NSD3: variants seen among roughly 807,000 people sequenced by gnomAD.
The protein encoded by NSD3 is nuclear receptor binding SET domain protein 3.
Under a neutral mutation model 160.8 loss-of-function variants are expected in NSD3, and 24 were observed. The ratio of observed to expected loss-of-function variants is 0.15; its 90% CI spans 0.11 to 0.21. The LOEUF (loss-of-function observed/expected upper bound fraction) is 0.21, where lower values mean the gene tolerates loss of function less well. Among genes scored for constraint, NSD3 ranks in the 10% least tolerant of loss-of-function variants. NSD3 has a pLI of 1.00. For missense variants in NSD3, 1,157 were observed against 1,735.9 expected, an observed-to-expected ratio of 0.67 and a Z score of 5.93; for synonymous variants, 520 against 600.0, an observed-to-expected ratio of 0.87 and a Z score of 1.95.
In NSD3 at chr8:38,275,845, G is replaced by A; in HGVS notation, c.4110C>T (p.Cys1370=). The part of the protein sequence containing the change: ...WECPWHQCDE[C]SSAAVSFCEF... ...CACAGAAGGAAACAGCTGCACTGCT[G>A]CACTCATCGCACTGATGCCACGGAC... is the stretch of plus-strand genomic sequence containing the variant. The change falls in exon 24 of 24, where the codon TGC becomes TGT. Residue 1370 remains cysteine, a synonymous_variant. Transcript: ENST00000317025. 6.2e-7 allele frequency: 1 copy of A among 1,614,142 alleles called. No individual in the cohort carries two copies. Among genetic ancestry groups the A allele is most frequent in the Non-Finnish European group, 8.5e-7 (1 of 1,180,012 alleles).
chr8:38,347,464 A>T lies in NSD3; in HGVS notation c.675+33T>A, dbSNP rs200246233. On this transcript the variant is annotated intron_variant, in intron 2 of 23. Transcript: ENST00000317025. ...TGAACTTCCAGTAAATGTGAAATAT[A>T]ACAAAATTTTTCAAAACGACTTTTC... 1.6e-3 allele frequency: 2,431 copies of T among 1,536,146 alleles called. 7 individuals are homozygous for T. The highest frequency in any genetic ancestry group is 2.0e-3 in the Non-Finnish European group (2,250 of 1,147,244).
intron 11 of NSD3, 112 bp from the exon 12 acceptor site, chr8:38,314,885 T>A (rs1302142414): frequency 1.5e-5 from 18 of 1,225,110 alleles, no homozygotes; most frequent in Non-Finnish European, 2.0e-5. Context: ...TGTGATTCAG[T>A]AGGTCTGGCG....
intron 5 of NSD3, 127 bp downstream of exon 5, chr8:38,331,304 A>T: frequency 1.8e-6 from 2 of 1,128,702 alleles, no homozygotes; most frequent in Non-Finnish European, 2.4e-6. Flanking sequence ...CATTACGATT[A>T]AAACAGCTGA....
Position 38,272,712 on chromosome 8 carries a change from T to C in NSD3, c.*2929A>G, listed in dbSNP as rs1439220039. The C allele has an allele frequency of 6.6e-6, 1 of 152,256 alleles. No homozygotes were observed. Among genetic ancestry groups the C allele is most frequent in the Non-Finnish European group, 1.5e-5 (1 of 68,048 alleles). The allele number at this position is 152,256 out of a possible 1,614,324, so 9.4% of individuals were successfully genotyped here. A position where few individuals can be genotyped will look rare whatever the true frequency, so the allele number is the denominator to read the frequency against. ...CATGCTGCTTTAAGTTATTTCATTG[T>C]TGGACAAGAATAAAAACCAGCCACT... On this transcript the variant is annotated 3_prime_UTR_variant, in exon 24 of 24. Coordinates refer to ENST00000317025, the MANE Select transcript of NSD3 (RefSeq NM_023034.2).
At chr8:38,291,001 A>G (rs1386202373) in intron 16 of NSD3, among the ~76,000 whole-genome samples, 1 of 152,136 alleles carries the variant, frequency 6.6e-6, no homozygotes, top group Admixed American at 6.5e-5. Context: ...AATCCTAGAA[A>G]AGTCATGTTT....
chr8:38,346,334 C>T lies in NSD3; in HGVS notation c.675+1163G>A, dbSNP rs183824759. Among the ~76,000 whole-genome samples, 309 of 146,004 alleles carry T rather than the reference C, an allele frequency of 2.1e-3. 2 individuals carry two copies. The highest frequency in any genetic ancestry group is 7.3e-3 in the African/African-American group (293 of 40,100). On this transcript the variant is annotated intron_variant, in intron 2 of 23. Coordinates refer to ENST00000317025, the MANE Select transcript of NSD3 (RefSeq NM_023034.2). ...ATATGTATATGTATATATGTATATA[C>T]ACATGTATATAGTATATATAGTATA...
At chr8:38,325,920 C>A (rs557659999) in intron 7 of NSD3, among the ~76,000 whole-genome samples, 7 of 151,574 alleles carry the variant, frequency 4.6e-5, no homozygotes, top group African/African-American at 9.7e-5. Context: ...GAGGCCGAGG[C>A]AGGTAGATCA....
chr8:38,307,220 T>C (rs1261805091), intron 12 of NSD3, among the ~76,000 whole-genome samples: 1 of 152,114 alleles, frequency 6.6e-6, no homozygotes, highest in African/African-American at 2.4e-5. Context: ...AGTCTCGCTC[T>C]GTCACCCAGA....
chr8:38,366,733 C>T (rs1483198128), intron 1 of NSD3, among the ~76,000 whole-genome samples: 1 of 152,100 alleles, frequency 6.6e-6, no homozygotes, highest in Non-Finnish European at 1.5e-5. Flanking sequence ...AATTCTTTCC[C>T]TTCACTAAGA....
At chr8:38,280,877 T>TGG (rs1391624544) in intron 20 of NSD3, among the ~76,000 whole-genome samples, 2 of 151,800 alleles carry the variant, frequency 1.3e-5, no homozygotes, top group Non-Finnish European at 1.5e-5. Flanking sequence ...CTCGGCCTCC[T>TGG]GAGGAGCTGG....
At chr8:38,289,301 G>A (rs563982509) in intron 18 of NSD3, 92 bp downstream of exon 18, 7 of 1,200,954 alleles carry the variant, frequency 5.8e-6, no homozygotes, top group Non-Finnish European at 7.2e-6. Flanking sequence ...AATGCATTTC[G>A]TCTCATCTAT....
chr8:38,328,193 G>A (rs1013035329), intron 6 of NSD3, among the ~76,000 whole-genome samples: 3 of 151,882 alleles, frequency 2.0e-5, no homozygotes, highest in Non-Finnish European at 4.4e-5. Context: ...TCTTAAAAAG[G>A]AAAAAAATAA....
At chr8:38,292,947 G>A (rs1266053909) in intron 16 of NSD3, among the ~76,000 whole-genome samples, 2 of 150,842 alleles carry the variant, frequency 1.3e-5, no homozygotes, top group Non-Finnish European at 3.0e-5. Flanking sequence ...ACTCCAGCCT[G>A]GGCGACAGAG....
chr8:38,370,281 C>T (rs1811211330), intron 1 of NSD3, among the ~76,000 whole-genome samples: 1 of 151,700 alleles, frequency 6.6e-6, no homozygotes, highest in African/African-American at 2.4e-5. Context: ...CAGATGTTTT[C>T]TAAAATAAAG....
At chr8:38,283,683 G>A (rs1044960630) in intron 19 of NSD3, among the ~76,000 whole-genome samples, 4 of 152,180 alleles carry the variant, frequency 2.6e-5, no homozygotes, top group African/African-American at 4.8e-5. Context: ...TGAGCTCAGC[G>A]AGAAGCACCG....
Position 38,315,904 on chromosome 8 carries a change from A to G in NSD3, c.1986+8T>C, listed in dbSNP as rs749005789. ...GAACACTTTGTCCAGACCCTTGCAC[A>G]TATTTACCTGCAGGTCACTCAGTCC... On this transcript the variant is annotated splice_region_variant and intron_variant, in intron 10 of 23. Coordinates refer to ENST00000317025, the MANE Select transcript of NSD3 (RefSeq NM_023034.2). 5 of 1,613,378 alleles carry G rather than the reference A, an allele frequency of 3.1e-6. No homozygotes were observed. The East Asian group carries it at 1.1e-4, about 36-fold the overall frequency.
intron 4 of NSD3, among the ~76,000 whole-genome samples, chr8:38,336,470 C>A (rs899871133): frequency 1.2e-4 from 18 of 152,088 alleles, no homozygotes; most frequent in African/African-American, 4.3e-4. Flanking sequence ...ATCAAATTTA[C>A]AAGGATGCCC....
At chr8:38,357,751 G>A (rs1173467145) in intron 1 of NSD3, among the ~76,000 whole-genome samples, 2 of 152,166 alleles carry the variant, frequency 1.3e-5, no homozygotes, top group African/African-American at 4.8e-5. Context: ...CAAAGGCTCA[G>A]AGGAGGGGCT....
rs181796210 is a variant in NSD3, at chr8:38,332,902, C to G, written c.911-1317G>C. Among the ~76,000 whole-genome samples, 3 of 152,114 alleles carry G rather than the reference C, an allele frequency of 2.0e-5. No individual in the cohort carries two copies. In the East Asian group the frequency reaches 5.8e-4, roughly 29 times the overall value. On this transcript the variant is annotated intron_variant, in intron 4 of 23. Coordinates refer to ENST00000317025, the MANE Select transcript of NSD3 (RefSeq NM_023034.2). ...TCAATGGAGAAATGCAGGAACTGAT[C>G]TTTTCAGAGAACCCAAAGTAATTAG...
Sources: gnomAD v4.1 joint callset for allele counts (sites outside exome capture counted in the v4.1 genomes callset) on GRCh38, gnomAD v4.1.1 for gene constraint, MANE v1.5 for transcripts, NCBI Gene and HGNC (gene_info 2026-07-23, HGNC 2026-07-21) for gene names.